Variants in HS3ST5 observed in about 807,000 individuals in gnomAD.
HS3ST5 encodes heparan sulfate-glucosamine 3-sulfotransferase 5, also known as heparan sulfate glucosamine 3-O-sulfotransferase 5.
A neutral mutation model predicts 25.4 loss-of-function variants in HS3ST5; 10 were observed. The ratio of observed to expected loss-of-function variants is 0.39; its 90% CI spans 0.24 to 0.67. The LOEUF (loss-of-function observed/expected upper bound fraction) is 0.67. Among genes scored for constraint, HS3ST5 ranks in the 30% least tolerant of loss-of-function variants. HS3ST5 has a pLI of 0.44. For synonymous variants in HS3ST5, 170 were observed against 162.4 expected, an observed-to-expected ratio of 1.05 and a Z score of -0.36; for missense variants, 324 against 420.7, an observed-to-expected ratio of 0.77 and a Z score of 2.01.
chr6:114,138,107 T>C (rs1777722776), intron 3 of HS3ST5, among the ~76,000 whole-genome samples: 1 of 152,102 alleles, frequency 6.6e-6, no homozygotes, highest in African/African-American at 2.4e-5. Flanking sequence ...GGAGAAGTAG[T>C]AGTAATTAAA....
intron 1 of HS3ST5, among the ~76,000 whole-genome samples, chr6:114,333,368 A>G (rs1776481017): frequency 6.6e-6 from 1 of 152,222 alleles, no homozygotes; most frequent in African/African-American, 2.4e-5. Context: ...AACATAAAGT[A>G]TTTGAGAAGA....
chr6:114,082,223 C>T (rs1486483281), intron 3 of HS3ST5, among the ~76,000 whole-genome samples: 1 of 152,160 alleles, frequency 6.6e-6, no homozygotes, highest in Non-Finnish European at 1.5e-5. Flanking sequence ...TGTAGGACTT[C>T]TTTCTTTGAG....
At chr6:114,069,262 C>T (rs1773645127) in intron 3 of HS3ST5, among the ~76,000 whole-genome samples, 1 of 151,946 alleles carries the variant, frequency 6.6e-6, no homozygotes. Context: ...ATGAGGTGGA[C>T]AGGAACTACA....
intron 3 of HS3ST5, among the ~76,000 whole-genome samples, chr6:114,131,665 G>A (rs1467175766): frequency 1.3e-5 from 2 of 152,162 alleles, no homozygotes; most frequent in Non-Finnish European, 2.9e-5. Flanking sequence ...TGTAGACTTT[G>A]CTCTTGGGCC....
chr6:114,134,235 A>T (rs1777485442), intron 3 of HS3ST5, among the ~76,000 whole-genome samples: 1 of 152,150 alleles, frequency 6.6e-6, no homozygotes, highest in Non-Finnish European at 1.5e-5. Flanking sequence ...TGCACTTATG[A>T]TATCATGGAG....
chr6:114,289,452 T>C (rs553063913), intron 1 of HS3ST5, among the ~76,000 whole-genome samples: 1 of 152,104 alleles, frequency 6.6e-6, no homozygotes, highest in Admixed American at 6.6e-5. Context: ...ACCAATTATC[T>C]TCCTCCTCAT....
intron 3 of HS3ST5, among the ~76,000 whole-genome samples, chr6:114,072,158 A>C (rs573568559): frequency 1.8e-4 from 28 of 152,288 alleles, no homozygotes; most frequent in Admixed American, 4.6e-4. Flanking sequence ...TGTATCTCTC[A>C]TCTTTGTCTA....
intron 3 of HS3ST5, among the ~76,000 whole-genome samples, chr6:114,109,037 C>T (rs756163047): frequency 9.9e-5 from 15 of 152,016 alleles, no homozygotes; most frequent in Non-Finnish European, 1.3e-4. Context: ...GTGGCAGGCG[C>T]TTGTAGTCCA....
chr6:114,306,069 G>A (rs1357046730), intron 1 of HS3ST5, among the ~76,000 whole-genome samples: 2 of 151,900 alleles, frequency 1.3e-5, no homozygotes. Flanking sequence ...CTAAGAAAGT[G>A]CTTTAAATTC....
chr6:114,057,266 G>C lies in HS3ST5; in HGVS notation c.1032C>G (p.Asn344Lys). 6.2e-7 allele frequency: 1 copy of C among 1,611,044 alleles called. No individual in the cohort carries two copies. The highest frequency in any genetic ancestry group is 8.5e-7 in the Non-Finnish European group (1 of 1,177,576). Residue 344 changes from asparagine to lysine, a missense_variant, in exon 5 of 5, where the codon AAC becomes AAG. Coordinates refer to ENST00000312719, the MANE Select transcript of HS3ST5 (RefSeq NM_153612.4). ...KFYQITGRTL[N>K]WP is the part of the protein sequence containing the mutation. ...TGTATGACATATTATTTTAGGGCCA[G>C]TTCAATGTCCTCCCAGTGATCTGGT...
Position 114,058,195 on chromosome 6 carries a change from A to G in HS3ST5, c.108-5T>C. ...ATGGGGCAAATGGGTTGTAGCCTGC[A>G]AGCAAGACAGAGACACTTTAAGCTC... On this transcript the variant is annotated splice_region_variant and splice_polypyrimidine_tract_variant and intron_variant, in intron 4 of 4. Transcript: ENST00000312719. The G allele has an allele frequency of 1.9e-6, 3 of 1,591,924 alleles. No individual in the cohort carries two copies. Among genetic ancestry groups the G allele is most frequent in the Middle Eastern group, 1.7e-4 (1 of 6,006 alleles).
At chr6:114,192,148 T>C (rs73767063) in intron 2 of HS3ST5, among the ~76,000 whole-genome samples, 233 of 152,330 alleles carry the variant, frequency 1.5e-3, no homozygotes, top group Middle Eastern at 3.4e-3. Context: ...TTTTAAAACA[T>C]GGAGAAATGT....
intron 1 of HS3ST5, among the ~76,000 whole-genome samples, chr6:114,313,132 A>C (rs867066763): frequency 9.9e-5 from 15 of 151,924 alleles, no homozygotes; most frequent in African/African-American, 3.4e-4. Context: ...TGAAACTTAA[A>C]ACCACAGTGA....
At chr6:114,127,791 A>G (rs908692546) in intron 3 of HS3ST5, among the ~76,000 whole-genome samples, 3 of 151,970 alleles carry the variant, frequency 2.0e-5, no homozygotes, top group African/African-American at 7.2e-5. Context: ...AACATGGATG[A>G]ATCTTGAATA....
chr6:114,162,966 C>A (rs73536692), intron 3 of HS3ST5, among the ~76,000 whole-genome samples: 1 of 151,988 alleles, frequency 6.6e-6, no homozygotes, highest in Non-Finnish European at 1.5e-5. Context: ...TCTTTGAGGG[C>A]GGGGGGTTTT....
At chr6:114,116,436 C>G (rs1408868176) in intron 3 of HS3ST5, among the ~76,000 whole-genome samples, 1 of 152,058 alleles carries the variant, frequency 6.6e-6, no homozygotes, top group Non-Finnish European at 1.5e-5. Flanking sequence ...ACCATAACCT[C>G]TCTTTACCTG....
At chr6:114,282,428 C>T (rs1337278960) in intron 1 of HS3ST5, among the ~76,000 whole-genome samples, 2 of 151,896 alleles carry the variant, frequency 1.3e-5, no homozygotes, top group Non-Finnish European at 2.9e-5. Context: ...ATAAACCTAA[C>T]ACTTCTCAAA....
intron 1 of HS3ST5, among the ~76,000 whole-genome samples, chr6:114,248,659 G>A (rs1772499308): frequency 6.6e-6 from 1 of 152,132 alleles, no homozygotes; most frequent in Admixed American, 6.6e-5. Context: ...CACTGTATTA[G>A]GCTATAGGGA....
intron 1 of HS3ST5, among the ~76,000 whole-genome samples, chr6:114,283,585 C>T (rs1774218653): frequency 1.3e-5 from 2 of 151,814 alleles, no homozygotes; most frequent in Non-Finnish European, 2.9e-5. Context: ...GGAAGTTTTT[C>T]TCCAATGTTT....
Sources: gnomAD v4.1 joint callset for allele counts (sites outside exome capture counted in the v4.1 genomes callset) on GRCh38, gnomAD v4.1.1 for gene constraint, MANE v1.5 for transcripts, NCBI Gene and HGNC (gene_info 2026-07-23, HGNC 2026-07-21) for gene names.